The following JMJD1C variants were observed in gnomAD, a reference collection of about 807,000 sequenced individuals.
JMJD1C encodes jumonji domain-containing protein 1C.
In JMJD1C, 31 loss-of-function variants were observed where a neutral mutation model predicts 245.3. The observed-to-expected ratio is 0.13, with a 90% CI of 0.09 to 0.17. The LOEUF is 0.17. JMJD1C is among the 10% of genes least tolerant of loss of function. The pLI, the probability that JMJD1C is intolerant of heterozygous loss-of-function variation, is 1.00. For missense variants in JMJD1C, 2,691 were observed against 3,000.2 expected, an observed-to-expected ratio of 0.90 and a Z score of 2.41; for synonymous variants, 1,057 against 1,017.4, an observed-to-expected ratio of 1.04 and a Z score of -0.74.
chr10:63,377,894 T>C (rs1006620738), intron 2 of JMJD1C, among the ~76,000 whole-genome samples: 4 of 136,466 alleles, frequency 2.9e-5, no homozygotes, highest in East Asian at 2.1e-4. Context: ...TGAGATCTTG[T>C]CTAAATAAAT....
chr10:63,170,976 G>C (rs1287090533), intron 24 of JMJD1C, among the ~76,000 whole-genome samples: 1 of 152,126 alleles, frequency 6.6e-6, no homozygotes, highest in Non-Finnish European at 1.5e-5. Flanking sequence ...TTCATAGTAG[G>C]AAGGTTATTA....
chr10:63,450,511 C>A (rs1019176241), intron 1 of JMJD1C, among the ~76,000 whole-genome samples: 51 of 151,878 alleles, frequency 3.4e-4, no homozygotes, highest in African/African-American at 1.2e-3. Context: ...TGCTGGAATG[C>A]GAGGATGGTT....
chr10:63,378,040 T>A (rs1453447155), intron 2 of JMJD1C, among the ~76,000 whole-genome samples: 1 of 150,682 alleles, frequency 6.6e-6, no homozygotes, highest in African/African-American at 2.4e-5. Context: ...AAAAAGATAA[T>A]CCTCTATTAC....
At position 63,472,768 on chromosome 10, in the gene JMJD1C, T is replaced by G. The variant is rs143771956; in HGVS notation, n.113+48970A>C. 3.2e-3 allele frequency among the ~76,000 whole-genome samples: 491 copies of G among 152,348 alleles called. 2 individuals are homozygous for G. The highest frequency in any genetic ancestry group is 0.011 in the African/African-American group (476 of 41,590). ...TTCTTTGGTATTTTCTTTTAGGAAT[T>G]TTATAATTCAATTTTTATTTATTTA... On this transcript the variant is annotated intron_variant and non_coding_transcript_variant, in intron 1 of 3. Coordinates refer to the JMJD1C transcript ENST00000633035.
At chr10:63,247,110 ACAAAAAC>A (rs780995638) in intron 3 of JMJD1C, among the ~76,000 whole-genome samples, 4 of 141,294 alleles carry the variant, frequency 2.8e-5, no homozygotes, top group East Asian at 2.0e-4. Flanking sequence ...GACAAAAAAA[ACAAAAAC>A]AAAAACAAAA....
chr10:63,342,461 C>T (rs1943463983), intron 2 of JMJD1C, among the ~76,000 whole-genome samples: 1 of 152,228 alleles, frequency 6.6e-6, no homozygotes, highest in African/African-American at 2.4e-5. Context: ...AATACCTCCT[C>T]ATCACTAGAG....
chr10:63,201,013 T>C (rs1488433412), intron 10 of JMJD1C, among the ~76,000 whole-genome samples: 2 of 152,220 alleles, frequency 1.3e-5, no homozygotes, highest in Non-Finnish European at 2.9e-5. Flanking sequence ...TGTATATCAA[T>C]AACTGAAAAT....
intron 1 of JMJD1C, among the ~76,000 whole-genome samples, chr10:63,435,813 T>C (rs1362272885): frequency 6.6e-6 from 1 of 152,170 alleles, no homozygotes; most frequent in East Asian, 1.9e-4. Context: ...ATATGAGAAC[T>C]GCTAGAACCC....
At chr10:63,190,144 G>A (rs1256693059) in intron 17 of JMJD1C, among the ~76,000 whole-genome samples, 3 of 148,658 alleles carry the variant, frequency 2.0e-5, no homozygotes, top group African/African-American at 5.0e-5. Flanking sequence ...CAGGTGGTCT[G>A]CCCACGTCAG....
Position 63,342,106 on chromosome 10 carries a change from A to C in JMJD1C, c.333+38212T>G, listed in dbSNP as rs924509008. On this transcript the variant is annotated intron_variant, in intron 2 of 25. Coordinates refer to ENST00000399262, the MANE Select transcript of JMJD1C (RefSeq NM_032776.3). ...AAAACAAATTCCATCACTGTCCATC[A>C]GTAAGCTAAAGGAAGTAGATAACGA... Among the ~76,000 whole-genome samples, 3 of 152,380 alleles carry C rather than the reference A, an allele frequency of 2.0e-5. No individual in the cohort carries two copies. In the East Asian group the frequency reaches 5.8e-4, roughly 29 times the overall value.
chr10:63,213,844 G>A lies in JMJD1C; in HGVS notation c.2323C>T (p.Pro775Ser), dbSNP rs1268802352. 6.2e-7 allele frequency: 1 copy of A among 1,613,896 alleles called. No individual in the cohort carries two copies. Among genetic ancestry groups the A allele is most frequent in the Admixed American group, 1.7e-5 (1 of 59,990 alleles). The change falls in exon 8 of 26, where the codon CCT becomes TCT. Residue 775 changes from proline (P) to serine (S), a missense_variant. This residue lies in a region of JMJD1C where 1,562 missense variants were observed against 1,490.7 expected (regional missense o/e 1.05). Coordinates refer to ENST00000399262, the MANE Select transcript of JMJD1C (RefSeq NM_032776.3). ...LAGSSSQTPL[P>S]TINTHPLTSG... Reference sequence around the variant, plus strand: ...GTCAGAGGATGAGTGTTAATGGTAGGTAATGGAGTTTGACTAGATGATCCG... The same window carrying A: ...GTCAGAGGATGAGTGTTAATGGTAGATAATGGAGTTTGACTAGATGATCCG...
In JMJD1C at chr10:63,215,344, T is replaced by G. The variant is rs753536688; in HGVS notation, c.934A>C (p.Asn312His). The change falls in exon 7 of 26, where the codon AAT becomes CAT. Residue 312 changes from asparagine to histidine, a missense_variant. Asn to His is a moderately conservative substitution (Grantham distance 68). Around this residue, in one of 9 missense-constraint regions of JMJD1C, gnomAD observed 1,562 missense variants for 1,490.7 expected, o/e 1.05. Coordinates refer to ENST00000399262, the MANE Select transcript of JMJD1C (RefSeq NM_032776.3). ...QQQQQRSIRP[N>H]KRKGSDSSIP... ...CTGCTATCTGAGCCCTTCCTCTTAT[T>G]TGGACGGATACTTCTTTGTTGCTGT... The G allele has an allele frequency of 1.4e-5, 22 of 1,614,050 alleles. 1 individual carries two copies. The South Asian group carries it at 1.5e-4, about 11-fold the overall frequency.
At chr10:63,338,000 A>G (rs1245502607) in intron 2 of JMJD1C, among the ~76,000 whole-genome samples, 1 of 152,250 alleles carries the variant, frequency 6.6e-6, no homozygotes, top group Non-Finnish European at 1.5e-5. Context: ...TAATCTTCAT[A>G]AAGAAAGCTG....
rs1184964019 is a variant in JMJD1C, at chr10:63,279,299, T to TA, written c.334-14536dup. Among the ~76,000 whole-genome samples the TA allele has an allele frequency of 3.9e-5, 6 of 152,044 alleles. No individual in the cohort carries two copies. In the East Asian group the frequency reaches 1.2e-3, roughly 29 times the overall value. On this transcript the variant is annotated intron_variant, in intron 2 of 25. Transcript: ENST00000399262. ...AGTGATTTAAAAATATGTCTTATGA[T>TA]AAAAACAATCATGACCTAGATTTTA...
At chr10:63,297,910 C>T (rs1364319742) in intron 2 of JMJD1C, among the ~76,000 whole-genome samples, 5 of 152,224 alleles carry the variant, frequency 3.3e-5, no homozygotes, top group African/African-American at 9.6e-5. Flanking sequence ...CTCCTCAAGC[C>T]AGGGCTGTGA....
intron 1 of JMJD1C, among the ~76,000 whole-genome samples, chr10:63,409,547 A>G (rs544406026): frequency 3.8e-4 from 58 of 152,284 alleles, no homozygotes; most frequent in Middle Eastern, 3.4e-3. Context: ...AATGAAGGAA[A>G]AACAGAGTAA....
intron 2 of JMJD1C, among the ~76,000 whole-genome samples, chr10:63,353,567 G>C (rs1240844877): frequency 6.6e-6 from 1 of 152,164 alleles, no homozygotes; most frequent in African/African-American, 2.4e-5. Flanking sequence ...CCAGGCTGGA[G>C]TGCAGTGGCG....
At chr10:63,358,817 A>C (rs1945085277) in intron 2 of JMJD1C, 1 of 153,284 alleles carries the variant, frequency 6.5e-6, no homozygotes, top group African/African-American at 2.4e-5. Flanking sequence ...AAAACTATCT[A>C]GTTCAAAATA....
At chr10:63,204,044 G>T in intron 10 of JMJD1C, 1 of 931,480 alleles carries the variant, frequency 1.1e-6, no homozygotes, top group Non-Finnish European at 1.3e-6. Context: ...GAGCCCAGGA[G>T]TTGGAGGCTG....
Sources: gnomAD v4.1 joint callset for allele counts (sites outside exome capture counted in the v4.1 genomes callset) on GRCh38, gnomAD v4.1.1 for gene constraint, gnomAD v4.1.1 regional missense constraint, MANE v1.5 for transcripts, NCBI Gene and HGNC (gene_info 2026-07-23, HGNC 2026-07-21) for gene names.